Variants in CLGN observed in about 807,000 individuals in gnomAD.
CLGN encodes testis tissue sperm-binding protein Li 79P.
CLGN carries 62 observed loss-of-function variants against 79.1 expected under a neutral mutation model. The observed-to-expected ratio is 0.78, with a 90% CI of 0.64 to 0.97. The LOEUF (loss-of-function observed/expected upper bound fraction) is 0.97, where lower values mean the gene tolerates loss of function less well. Among genes scored for constraint, CLGN ranks in the 50% least tolerant of loss-of-function variants. The pLI, the probability that CLGN is intolerant of heterozygous loss-of-function variation, is 0.00. For synonymous variants in CLGN, 225 were observed against 224.7 expected (o/e 1.00, Z -0.01); for missense variants, 647 against 715.5 (o/e 0.90, Z 1.09).
chr4:140,400,409 A>C lies in CLGN; in HGVS notation c.642T>G (p.Asp214Glu), dbSNP rs1246328089. Residue 214 changes from aspartate to glutamate, a missense_variant, in exon 7 of 15, where the codon GAT (aspartate) becomes GAG (glutamate). By Grantham distance (45) the Asp-to-Glu change is conservative. Coordinates refer to ENST00000325617, the MANE Select transcript of CLGN (RefSeq NM_004362.3). ...CTGTAAAGAACTTTTTAAGGTCTAC[A>C]TCTGGAGGTTTGGCATGTTTCTCTT... ...VFEEKHAKPP[D>E]VDLKKFFTDR... 1 of 1,613,324 alleles carries C rather than the reference A, an allele frequency of 6.2e-7. No homozygotes were observed. The highest frequency in any genetic ancestry group is 8.5e-7 in the Non-Finnish European group (1 of 1,179,550).
intron 5 of CLGN, among the ~76,000 whole-genome samples, chr4:140,404,019 T>G (rs1376059225): frequency 6.6e-6 from 1 of 152,172 alleles, no homozygotes. Context: ...GAAAACAGGT[T>G]TTCATATGTA....
chr4:140,398,426 T>C (rs1480651333), intron 8 of CLGN, among the ~76,000 whole-genome samples: 2 of 151,894 alleles, frequency 1.3e-5, no homozygotes, highest in Non-Finnish European at 2.9e-5. Context: ...CCCGCCGCCA[T>C]GCCCGCTAAT....
chr4:140,401,473 T>G (rs1728998045), intron 6 of CLGN, among the ~76,000 whole-genome samples: 1 of 152,166 alleles, frequency 6.6e-6, no homozygotes, highest in South Asian at 2.1e-4. Flanking sequence ...GAAACAGCCT[T>G]TTACAGGAGA....
chr4:140,415,149 C>T (rs1282731527), intron 1 of CLGN, among the ~76,000 whole-genome samples: 1 of 152,096 alleles, frequency 6.6e-6, no homozygotes, highest in Non-Finnish European at 1.5e-5. Context: ...CAAACAAATG[C>T]TGAGAGATTT....
chr4:140,425,877 C>A (rs1729558320), intron 1 of CLGN, among the ~76,000 whole-genome samples: 2 of 152,224 alleles, frequency 1.3e-5, no homozygotes, highest in East Asian at 3.9e-4. Flanking sequence ...GATCCGCCCG[C>A]CTCGGCCTCC....
chr4:140,416,800 A>T (rs1249503747), intron 1 of CLGN, among the ~76,000 whole-genome samples: 1 of 152,138 alleles, frequency 6.6e-6, no homozygotes, highest in East Asian at 1.9e-4. Context: ...ATTCCTTCTG[A>T]AACTATTCCA....
rs967531600 is a variant in CLGN at position 140,397,900 on chromosome 4, T to C, written c.884+951A>G. On this transcript the variant is annotated intron_variant, in intron 8 of 14. Coordinates refer to ENST00000325617, the MANE Select transcript of CLGN (RefSeq NM_004362.3). ...ACCTGGGTGACAGAGCGAGATTCCA[T>C]CTCAAACAAAAACAAAAACAAAAAC... Among the ~76,000 whole-genome samples the C allele has an allele frequency of 7.2e-5, 11 of 152,260 alleles. No individual in the cohort carries two copies. The South Asian group carries it at 2.3e-3, about 32-fold the overall frequency.
chr4:140,409,579 G>A (rs1002875519), intron 4 of CLGN, among the ~76,000 whole-genome samples: 1 of 152,040 alleles, frequency 6.6e-6, no homozygotes, highest in African/African-American at 2.4e-5. Context: ...TTCAGGAAAT[G>A]CAAAAGACTA....
intron 8 of CLGN, among the ~76,000 whole-genome samples, chr4:140,396,816 C>A (rs146130136): frequency 1.4e-5 from 2 of 147,654 alleles, no homozygotes; most frequent in South Asian, 2.1e-4. Context: ...CCTCAGCCCC[C>A]CAAAGTGCTG....
At position 140,415,036 on chromosome 4, in the gene CLGN, G is replaced by A. The variant is rs1031620096; in HGVS notation, c.-9-1949C>T. On this transcript the variant is annotated intron_variant, in intron 1 of 14. Coordinates refer to ENST00000325617, the MANE Select transcript of CLGN (RefSeq NM_004362.3). The stretch of plus-strand genomic sequence containing the variant: ...ACCCTACAAGCCAGAAGAGAGTGGG[G>A]GCCAATATTCAACATTCTTAAAGAC... Among the ~76,000 whole-genome samples the A allele has an allele frequency of 1.3e-3, 192 of 151,804 alleles. 2 individuals are homozygous for A. Among genetic ancestry groups the A allele is most frequent in the African/African-American group, 4.4e-3 (180 of 41,332 alleles).
chr4:140,417,067 A>G (rs1422775385), intron 1 of CLGN, among the ~76,000 whole-genome samples: 9 of 149,098 alleles, frequency 6.0e-5, no homozygotes, highest in Non-Finnish European at 1.2e-4. Flanking sequence ...AATAAATGTA[A>G]TCCAGCATAT....
At chr4:140,416,740 G>A (rs1405889972) in intron 1 of CLGN, among the ~76,000 whole-genome samples, 1 of 152,112 alleles carries the variant, frequency 6.6e-6, no homozygotes, top group Non-Finnish European at 1.5e-5. Context: ...TCCAGGACCA[G>A]ATGGATTCAC....
At chr4:140,413,670 A>G (rs1170679725) in intron 1 of CLGN, among the ~76,000 whole-genome samples, 1 of 152,230 alleles carries the variant, frequency 6.6e-6, no homozygotes, top group Non-Finnish European at 1.5e-5. Context: ...ACGGCGCACC[A>G]CGAGATTATA....
intron 1 of CLGN, chr4:140,426,865 T>A (rs1312209739): frequency 6.6e-6 from 1 of 152,238 alleles, no homozygotes; most frequent in Non-Finnish European, 1.5e-5. Flanking sequence ...AATTAGGGCC[T>A]CTCTGGATTC....
At chr4:140,424,680 A>G (rs541889318) in intron 1 of CLGN, among the ~76,000 whole-genome samples, 1 of 152,316 alleles carries the variant, frequency 6.6e-6, no homozygotes, top group South Asian at 2.1e-4. Context: ...TAGCATGCCC[A>G]GGGTTCCAAG....
At chr4:140,391,997 T>C (rs1267255808) in intron 13 of CLGN, among the ~76,000 whole-genome samples, 1 of 151,972 alleles carries the variant, frequency 6.6e-6, no homozygotes, top group African/African-American at 2.4e-5. Context: ...CTCAAGCAAC[T>C]GAACACTATT....
intron 1 of CLGN, among the ~76,000 whole-genome samples, chr4:140,425,186 C>A (rs889670718): frequency 6.6e-6 from 1 of 152,178 alleles, no homozygotes; most frequent in Non-Finnish European, 1.5e-5. Context: ...TACCTGGTTC[C>A]AGCCAACAGA....
chr4:140,404,198 A>G (rs931430770), intron 5 of CLGN, among the ~76,000 whole-genome samples: 1 of 151,760 alleles, frequency 6.6e-6, no homozygotes, highest in African/African-American at 2.4e-5. Context: ...GGTTCACGCC[A>G]TTCTCCTGCC....
rs115150169 is a variant in CLGN, at chr4:140,399,975, G to A, written c.694+382C>T. Among the ~76,000 whole-genome samples the A allele has an allele frequency of 6.7e-3, 1,016 of 152,098 alleles. 10 individuals carry two copies. Among genetic ancestry groups the A allele is most frequent in the African/African-American group, 0.022 (920 of 41,494 alleles). ...CTTCCTTTTTATTTTTTAGTTTTCTGTTCTGGCCTCTTCCTTTTTATTTTC... is the reference window on the plus strand; with the variant it reads ...CTTCCTTTTTATTTTTTAGTTTTCTATTCTGGCCTCTTCCTTTTTATTTTC... On this transcript the variant is annotated intron_variant, in intron 7 of 14. Transcript: ENST00000325617.
Sources: gnomAD v4.1 joint callset for allele counts (sites outside exome capture counted in the v4.1 genomes callset) on GRCh38, gnomAD v4.1.1 for gene constraint, MANE v1.5 for transcripts, NCBI Gene and HGNC (gene_info 2026-07-23, HGNC 2026-07-21) for gene names.